Variants in PTPRR observed in about 807,000 individuals in gnomAD.
The protein encoded by PTPRR is protein tyrosine phosphatase receptor type R.
Under a neutral mutation model 77.2 loss-of-function variants are expected in PTPRR, and 38 were observed. That is an observed-to-expected ratio of 0.49 (90% confidence interval 0.38 to 0.65). The LOEUF (loss-of-function observed/expected upper bound fraction) is 0.65, where lower values mean the gene tolerates loss of function less well. Ranked by LOEUF, PTPRR falls within the 30% of genes least tolerant of loss-of-function variation. The pLI, the probability that PTPRR is intolerant of heterozygous loss-of-function variation, is 0.00. For synonymous variants in PTPRR, 299 were observed against 283.1 expected (o/e 1.06, Z -0.57); for missense variants, 744 against 799.2 (o/e 0.93, Z 0.83).
intron 6 of PTPRR, among the ~76,000 whole-genome samples, chr12:70,731,830 G>A (rs1408336117): frequency 2.0e-5 from 3 of 152,206 alleles, no homozygotes; most frequent in African/African-American, 4.8e-5. Context: ...AAACAAAAAC[G>A]AATAAGCTCT....
At chr12:70,852,590 A>G (rs528177661) in intron 2 of PTPRR, among the ~76,000 whole-genome samples, 10 of 152,304 alleles carry the variant, frequency 6.6e-5, no homozygotes, top group Non-Finnish European at 1.5e-4. Flanking sequence ...AAGCCCCTTC[A>G]TGGAGCTTAA....
At chr12:70,656,895 T>C (rs1331815540) in intron 12 of PTPRR, 78 bp from the exon 13 acceptor site, 3 of 1,012,146 alleles carry the variant, frequency 3.0e-6, no homozygotes, top group Non-Finnish European at 4.5e-6. Context: ...AAGGGTACTT[T>C]TAAATCTGAA....
intron 6 of PTPRR, among the ~76,000 whole-genome samples, chr12:70,715,291 A>T (rs959272092): frequency 2.6e-5 from 4 of 152,218 alleles, no homozygotes; most frequent in Non-Finnish European, 5.9e-5. Context: ...GGTCACAGAC[A>T]TCAAGTACTT....
rs117928702 is a variant in PTPRR, at chr12:70,664,672, G to A, written c.1498-2067C>T. On this transcript the variant is annotated intron_variant, in intron 10 of 13. Transcript: ENST00000283228. The stretch of plus-strand genomic sequence containing the variant: ...TACTTGATAAATGGAAATGCTGCTC[G>A]CTTCTCTCCCAAGCTTGCCGGGGGC... The A allele has an allele frequency of 2.0e-5, 3 of 152,144 alleles. No individual in the cohort carries two copies. The East Asian group carries it at 5.8e-4, about 29-fold the overall frequency. The allele number at this position is 152,144 out of a possible 1,614,324, so 9.4% of individuals were successfully genotyped here.
intron 2 of PTPRR, among the ~76,000 whole-genome samples, chr12:70,782,844 TAAAC>T (rs937904222): frequency 3.3e-5 from 5 of 151,926 alleles, no homozygotes; most frequent in Admixed American, 1.3e-4. Context: ...AATAAAAAAA[TAAAC>T]AAATAAAAAA....
intron 3 of PTPRR, among the ~76,000 whole-genome samples, chr12:70,763,878 G>A (rs1036324768): frequency 1.3e-5 from 2 of 152,134 alleles, no homozygotes; most frequent in African/African-American, 4.8e-5. Flanking sequence ...CCACTTTCCA[G>A]TGCAGATGGG....
chr12:70,758,158 C>T (rs1890605603), intron 4 of PTPRR, among the ~76,000 whole-genome samples: 1 of 152,202 alleles, frequency 6.6e-6, no homozygotes. Flanking sequence ...TCAAATACTT[C>T]CTCATCTTCT....
intron 5 of PTPRR, among the ~76,000 whole-genome samples, chr12:70,747,659 C>T (rs980365326): frequency 6.6e-6 from 1 of 152,144 alleles, no homozygotes; most frequent in African/African-American, 2.4e-5. Context: ...ACCTTTGTAA[C>T]ATATTTTCCA....
chr12:70,685,038 G>A (rs1382328653), intron 8 of PTPRR: 4 of 303,962 alleles, frequency 1.3e-5, no homozygotes, highest in East Asian at 5.8e-5. Flanking sequence ...CATCTGTTCC[G>A]GTTCTCGACC....
At chr12:70,870,341 T>C (rs1892938249) in intron 2 of PTPRR, among the ~76,000 whole-genome samples, 1 of 152,146 alleles carries the variant, frequency 6.6e-6, no homozygotes, top group African/African-American at 2.4e-5. Flanking sequence ...CACAGAGTTA[T>C]GAGACAGTAG....
At chr12:70,795,991 T>C (rs945827284) in intron 2 of PTPRR, among the ~76,000 whole-genome samples, 1 of 134,904 alleles carries the variant, frequency 7.4e-6, no homozygotes, top group East Asian at 2.6e-4. Flanking sequence ...TGGTGCGATC[T>C]CGGTTCACTG....
chr12:70,864,924 G>A (rs893606804), intron 2 of PTPRR, among the ~76,000 whole-genome samples: 1 of 152,112 alleles, frequency 6.6e-6, no homozygotes, highest in African/African-American at 2.4e-5. Context: ...TGATTCTCCT[G>A]CCTTAGCCTC....
chr12:70,811,055 T>C (rs966687866), intron 2 of PTPRR, among the ~76,000 whole-genome samples: 4 of 152,122 alleles, frequency 2.6e-5, no homozygotes, highest in African/African-American at 4.8e-5. Context: ...GTGAGGACCG[T>C]AGGATGTAGA....
chr12:70,779,136 C>T (rs1022769513), intron 2 of PTPRR, among the ~76,000 whole-genome samples: 2 of 152,172 alleles, frequency 1.3e-5, no homozygotes, highest in South Asian at 4.1e-4. Flanking sequence ...GCGTGAGCCA[C>T]CCTGCCCAAC....
chr12:70,910,278 C>T (rs1272479600), intron 1 of PTPRR, among the ~76,000 whole-genome samples: 1 of 152,050 alleles, frequency 6.6e-6, no homozygotes, highest in Non-Finnish European at 1.5e-5. Flanking sequence ...AGATGGGATT[C>T]GAACTCAGGT....
chr12:70,864,757 T>A (rs1265973548), intron 2 of PTPRR, among the ~76,000 whole-genome samples: 1 of 152,114 alleles, frequency 6.6e-6, no homozygotes, highest in Non-Finnish European at 1.5e-5. Flanking sequence ...AGATGCAGTT[T>A]CCCTCATACT....
chr12:70,761,319 G>A, intron 4 of PTPRR, 152 bp downstream of exon 4: 2 of 677,570 alleles, frequency 3.0e-6, no homozygotes, highest in Non-Finnish European at 4.6e-6. Context: ...CATATACAAT[G>A]TAAAGATCAG....
At chr12:70,807,695 A>G (rs1017042233) in intron 2 of PTPRR, among the ~76,000 whole-genome samples, 1 of 152,146 alleles carries the variant, frequency 6.6e-6, no homozygotes, top group African/African-American at 2.4e-5. Flanking sequence ...CTTTACTGCA[A>G]TCTCTGAACA....
At chr12:70,684,488 T>C (rs926925319) in intron 9 of PTPRR, among the ~76,000 whole-genome samples, 1 of 152,094 alleles carries the variant, frequency 6.6e-6, no homozygotes, top group Non-Finnish European at 1.5e-5. Context: ...AGAGTACCCA[T>C]ATAGAGCACT....
Sources: gnomAD v4.1 joint callset for allele counts (sites outside exome capture counted in the v4.1 genomes callset) on GRCh38, gnomAD v4.1.1 for gene constraint, MANE v1.5 for transcripts, NCBI Gene and HGNC (gene_info 2026-07-23, HGNC 2026-07-21) for gene names.